The following SDCBP2 variants were observed in gnomAD, a reference collection of about 807,000 sequenced individuals.
SDCBP2 encodes the protein syndecan binding protein 2.
SDCBP2 carries 28 observed loss-of-function variants against 30.7 expected under a neutral mutation model. That is an observed-to-expected ratio of 0.91 (90% CI 0.68 to 1.25). SDCBP2 has a LOEUF of 1.25. Among genes scored for constraint, SDCBP2 ranks in the 50% most tolerant of loss-of-function variants. The pLI is 0.00. For synonymous variants in SDCBP2, 166 were observed against 157.3 expected, an observed-to-expected ratio of 1.06 and a Z score of -0.41; for missense variants, 399 against 379.0, an observed-to-expected ratio of 1.05 and a Z score of -0.44.
Position 1,319,573 on chromosome 20 carries a change from C to A in SDCBP2, c.124+17G>T. On this transcript the variant is annotated intron_variant, in intron 3 of 8. Coordinates refer to ENST00000360779, the MANE Select transcript of SDCBP2 (RefSeq NM_080489.5). ...AAGGACTTGGCACCCAGGAGCCCCTCATCCCAGCCCACTCACCTGGTGGTG... is the reference window on the plus strand; with the variant it reads ...AAGGACTTGGCACCCAGGAGCCCCTAATCCCAGCCCACTCACCTGGTGGTG... The A allele has an allele frequency of 1.3e-6, 2 of 1,559,200 alleles. No individual in the cohort carries two copies. Among genetic ancestry groups the A allele is most frequent in the East Asian group, 2.4e-5 (1 of 42,482 alleles).
intron 6 of SDCBP2, 25 bp from the exon 7 acceptor site, chr20:1,312,533 C>T (rs1474476787): frequency 6.2e-7 from 1 of 1,614,076 alleles, no homozygotes; most frequent in Admixed American, 1.7e-5. Flanking sequence ...AGTGAGCTGT[C>T]CTGGGGACAT....
At position 1,313,668 on chromosome 20, in the gene SDCBP2, G is replaced by A; in HGVS notation, c.226-170C>T. 7.3e-7 allele frequency: 1 copy of A among 1,370,246 alleles called. No individual in the cohort carries two copies. Among genetic ancestry groups the A allele is most frequent in the East Asian group, 2.9e-5 (1 of 34,928 alleles). 84.9% of individuals were successfully genotyped at this position (1,370,246 alleles called of 1,614,324 possible). ...GGGGCGAGAGGAGACGTGGCTCCACGCGGCCACTAGGGGGCGTCAAAGTCC... is the reference window on the plus strand; with the variant it reads ...GGGGCGAGAGGAGACGTGGCTCCACACGGCCACTAGGGGGCGTCAAAGTCC... On this transcript the variant is annotated intron_variant, in intron 4 of 8. Coordinates refer to ENST00000360779, the MANE Select transcript of SDCBP2 (RefSeq NM_080489.5). The surrounding 1 kb of genome is among the most constrained non-coding windows in gnomAD (Gnocchi z 5.2).
In SDCBP2 at chr20:1,313,296, C is replaced by T. The variant is rs780690046; in HGVS notation, c.384+44G>A. On this transcript the variant is annotated intron_variant, in intron 5 of 8. Coordinates refer to ENST00000360779, the MANE Select transcript of SDCBP2 (RefSeq NM_080489.5). The surrounding 1 kb of genome is among the most constrained non-coding windows in gnomAD (Gnocchi z 5.2). ...AGCTCTGAGGCCTGGCGGGAGAGCG[C>T]GTGCAGCTCGAGCTCCTCTTCCCAC... 1.3e-6 allele frequency: 2 copies of T among 1,581,786 alleles called. No individual in the cohort carries two copies. Among genetic ancestry groups the T allele is most frequent in the Admixed American group, 1.7e-5 (1 of 59,152 alleles).
At chr20:1,316,985 C>A (rs1239968685) in intron 4 of SDCBP2, among the ~76,000 whole-genome samples, 1 of 152,134 alleles carries the variant, frequency 6.6e-6, no homozygotes, top group African/African-American at 2.4e-5. Context: ...AAAAAGCCAA[C>A]CTCAAATGGT....
chr20:1,310,746 T>A, intron 8 of SDCBP2, 54 bp downstream of exon 8: 2 of 1,469,976 alleles, frequency 1.4e-6, no homozygotes, highest in Non-Finnish European at 1.9e-6. Context: ...GGCCGGGAGG[T>A]GAAGGGGATG....
chr20:1,314,183 A>G (rs2088732935), intron 4 of SDCBP2, among the ~76,000 whole-genome samples: 1 of 152,148 alleles, frequency 6.6e-6, no homozygotes, highest in South Asian at 2.1e-4. Context: ...ACACATGTAA[A>G]CTGAAATTTA....
At chr20:1,325,702 G>T (rs1193683583) in intron 1 of SDCBP2, 1 of 152,224 alleles carries the variant, frequency 6.6e-6, no homozygotes, top group African/African-American at 2.4e-5. Context: ...GCAGCCGTGG[G>T]AAGGGAGGAG....
chr20:1,318,521 G>T, intron 3 of SDCBP2, 103 bp from the exon 4 acceptor site: 1 of 674,516 alleles, frequency 1.5e-6, no homozygotes, highest in Non-Finnish European at 2.5e-6. Flanking sequence ...AAGAAATGGA[G>T]CCTGGGAATG....
At chr20:1,314,366 A>G (rs1600277869) in intron 4 of SDCBP2, among the ~76,000 whole-genome samples, 2 of 151,202 alleles carry the variant, frequency 1.3e-5, no homozygotes, top group South Asian at 4.2e-4. Flanking sequence ...AAGCACCTGT[A>G]GTCCCTGCTA....
intron 4 of SDCBP2, among the ~76,000 whole-genome samples, chr20:1,316,259 T>A (rs1446516140): frequency 2.6e-5 from 4 of 152,236 alleles, no homozygotes; most frequent in African/African-American, 9.6e-5. Context: ...TGATGAGCCA[T>A]CATTATACCT....
intron 1 of SDCBP2, among the ~76,000 whole-genome samples, chr20:1,327,509 C>G (rs899221687): frequency 1.8e-4 from 27 of 152,202 alleles, no homozygotes; most frequent in Admixed American, 1.2e-3. Context: ...GCTAGGCCAC[C>G]AGCATGTACC....
At chr20:1,328,642 C>T (rs1250343037) in intron 1 of SDCBP2, among the ~76,000 whole-genome samples, 2 of 152,174 alleles carry the variant, frequency 1.3e-5, no homozygotes, top group Non-Finnish European at 2.9e-5. Flanking sequence ...AGTTCCCCAG[C>T]AGGTGTTTCA....
intron 4 of SDCBP2, among the ~76,000 whole-genome samples, chr20:1,315,995 C>T (rs1406906264): frequency 2.0e-5 from 3 of 152,138 alleles, no homozygotes; most frequent in Non-Finnish European, 2.9e-5. Flanking sequence ...CCCAGCTACT[C>T]GGGAGGCTGA....
Position 1,313,253 on chromosome 20 carries a change from C to A in SDCBP2, c.384+87G>T. ...GGAGGCCCGCTCTGCACCTTCCTTA[C>A]TGTGGACGGGCCCTCTGAGCTCTGA... On this transcript the variant is annotated intron_variant, in intron 5 of 8. Transcript: ENST00000360779. The surrounding 1 kb of genome is among the most constrained non-coding windows in gnomAD (Gnocchi z 5.2). 7.2e-7 allele frequency: 1 copy of A among 1,392,410 alleles called. No homozygotes were observed. Among genetic ancestry groups the A allele is most frequent in the Non-Finnish European group, 9.9e-7 (1 of 1,010,308 alleles). The allele number at this position is 1,392,410 out of a possible 1,614,324, so 86.3% of individuals were successfully genotyped here.
rs534777946 is a variant in SDCBP2 at position 1,313,088 on chromosome 20, G to A, written c.384+252C>T. 9 of 594,478 alleles carry A rather than the reference G, an allele frequency of 1.5e-5. 2 individuals carry two copies. In the Middle Eastern group the frequency reaches 1.3e-3, roughly 88 times the overall value. 36.8% of individuals were successfully genotyped at this position (594,478 alleles called of 1,614,324 possible). A position where few individuals can be genotyped will look rare whatever the true frequency, so the allele number is the denominator to read the frequency against. ...GAAGCTAGATGCCCTGGGCAGCGAA[G>A]GGCAGGTGGGGAAGGGAGGCTCCTC... On this transcript the variant is annotated intron_variant, in intron 5 of 8. Transcript: ENST00000360779. This position sits in a 1 kb window ranked among gnomAD's most constrained non-coding sequence, Gnocchi z 5.2.
At chr20:1,315,097 G>C (rs1393158641) in intron 4 of SDCBP2, among the ~76,000 whole-genome samples, 1 of 152,222 alleles carries the variant, frequency 6.6e-6, no homozygotes, top group East Asian at 1.9e-4. Context: ...CAAATTTCAA[G>C]ACTTATTATA....
In SDCBP2 at chr20:1,320,782, T is replaced by C. The variant is rs2088841153; in HGVS notation, c.-19-347A>G. 1 of 179,616 alleles carries C rather than the reference T, an allele frequency of 5.6e-6. No homozygotes were observed. The highest frequency in any genetic ancestry group is 5.8e-5 in the Admixed American group (1 of 17,346). 11.1% of individuals were successfully genotyped at this position (179,616 alleles called of 1,614,324 possible). On this transcript the variant is annotated intron_variant, in intron 1 of 8. Transcript: ENST00000360779. The surrounding 1 kb of genome is among the most constrained non-coding windows in gnomAD (Gnocchi z 4.7). ...GGGAATGGGGGGTGGAGAGGCACCA[T>C]GAGCACTTATTTACTAAACACCTTC...
rs997608619 is a variant in SDCBP2 at position 1,313,079 on chromosome 20, G to A, written c.384+261C>T. 14 of 591,332 alleles carry A rather than the reference G, an allele frequency of 2.4e-5. No homozygotes were observed. The African/African-American group carries it at 2.4e-4, about 10-fold the overall frequency. 36.6% of individuals were successfully genotyped at this position (591,332 alleles called of 1,614,324 possible). A position where few individuals can be genotyped will look rare whatever the true frequency, so the allele number is the denominator to read the frequency against. On this transcript the variant is annotated intron_variant, in intron 5 of 8. Coordinates refer to ENST00000360779, the MANE Select transcript of SDCBP2 (RefSeq NM_080489.5). This position sits in a 1 kb window ranked among gnomAD's most constrained non-coding sequence, Gnocchi z 5.2. Reference sequence around the variant, plus strand: ...CGTCGCCTGGAAGCTAGATGCCCTGGGCAGCGAAGGGCAGGTGGGGAAGGG... The same window carrying A: ...CGTCGCCTGGAAGCTAGATGCCCTGAGCAGCGAAGGGCAGGTGGGGAAGGG...
In SDCBP2 at chr20:1,313,325, G is replaced by A; in HGVS notation, c.384+15C>T. On this transcript the variant is annotated intron_variant, in intron 5 of 8. Coordinates refer to ENST00000360779, the MANE Select transcript of SDCBP2 (RefSeq NM_080489.5). The surrounding 1 kb of genome is among the most constrained non-coding windows in gnomAD (Gnocchi z 5.2). ...CAGCTCGAGCTCCTCTTCCCACCCAGCCCCCGCGCCCTACCTGGTCGACCT... is the reference window on the plus strand; with the variant it reads ...CAGCTCGAGCTCCTCTTCCCACCCAACCCCCGCGCCCTACCTGGTCGACCT... The A allele has an allele frequency of 1.2e-6, 2 of 1,608,580 alleles. No individual in the cohort carries two copies. The highest frequency in any genetic ancestry group is 1.7e-6 in the Non-Finnish European group (2 of 1,178,718).
Sources: allele counts gnomAD v4.1 joint callset (sites outside exome capture counted in the v4.1 genomes callset), GRCh38; gene constraint gnomAD v4.1.1; non-coding constraint Gnocchi (gnomAD v3.1); transcripts MANE v1.5; gene names NCBI Gene and HGNC (gene_info 2026-07-23, HGNC 2026-07-21).